Variants in RASSF3 observed in about 807,000 individuals in gnomAD.
RASSF3 encodes ras association domain-containing protein 3.
Under a neutral mutation model 19.9 loss-of-function variants are expected in RASSF3, and 19 were observed. That is an observed-to-expected ratio of 0.96 (90% confidence interval 0.67 to 1.40). The LOEUF is 1.40. Ranked by LOEUF, RASSF3 falls within the 40% of genes most tolerant of loss-of-function variation. RASSF3 has a pLI of 0.00. For missense variants in RASSF3, 306 were observed against 289.8 expected, an observed-to-expected ratio of 1.06 and a Z score of -0.41; for synonymous variants, 110 against 104.2, an observed-to-expected ratio of 1.06 and a Z score of -0.34.
At chr12:64,580,074 T>C (rs1164268704) in intron 2 of RASSF3, among the ~76,000 whole-genome samples, 1 of 151,934 alleles carries the variant, frequency 6.6e-6, no homozygotes, top group African/African-American at 2.4e-5. Context: ...CTTGGCCTCC[T>C]GAAGTGCTGG....
At chr12:64,625,594 T>C (rs886321773) in intron 1 of RASSF3, among the ~76,000 whole-genome samples, 1 of 152,338 alleles carries the variant, frequency 6.6e-6, no homozygotes, top group Admixed American at 6.5e-5. Flanking sequence ...AGTCTTGTGC[T>C]CATGGTTTAG....
chr12:64,640,484 T>C (rs1375723925), intron 1 of RASSF3, among the ~76,000 whole-genome samples: 2 of 152,248 alleles, frequency 1.3e-5, no homozygotes, highest in Non-Finnish European at 1.5e-5. Context: ...CCCTGGCAAC[T>C]ACCTTTCTAT....
intron 1 of RASSF3, among the ~76,000 whole-genome samples, chr12:64,625,831 T>C (rs1211739716): frequency 1.3e-5 from 2 of 152,148 alleles, no homozygotes; most frequent in Non-Finnish European, 2.9e-5. Flanking sequence ...GAAATAGGCC[T>C]GCTTATGCTC....
upstream of RASSF3, among the ~76,000 whole-genome samples, chr12:64,530,586 G>A (rs1318618518): frequency 1.3e-5 from 2 of 152,178 alleles, no homozygotes; most frequent in Non-Finnish European, 2.9e-5. Flanking sequence ...GGTTAAATAT[G>A]TAGGAGTAGA....
intron 1 of RASSF3, among the ~76,000 whole-genome samples, chr12:64,616,245 T>C (rs1384437137): frequency 1.3e-5 from 2 of 152,210 alleles, no homozygotes; most frequent in Admixed American, 6.5e-5. Flanking sequence ...CCATTTCTTC[T>C]TCTGGCCAAC....
chr12:64,573,395 T>A (rs1390828077), intron 2 of RASSF3, among the ~76,000 whole-genome samples: 1 of 152,226 alleles, frequency 6.6e-6, no homozygotes, highest in Non-Finnish European at 1.5e-5. Flanking sequence ...ATTAAGTGCT[T>A]ACTAATACAT....
intron 2 of RASSF3, among the ~76,000 whole-genome samples, chr12:64,584,504 A>G (rs945998488): frequency 1.5e-4 from 4 of 26,352 alleles, no homozygotes; most frequent in East Asian, 3.9e-4. Context: ...CCAGGCTAAG[A>G]AAAAAAAAAA....
At chr12:64,643,172 A>T (rs1335054730) in intron 1 of RASSF3, among the ~76,000 whole-genome samples, 1 of 152,066 alleles carries the variant, frequency 6.6e-6, no homozygotes, top group Non-Finnish European at 1.5e-5. Context: ...GGCCCGGGCA[A>T]GTTTCTTAAT....
chr12:64,595,833 T>A (rs1869991398), intron 2 of RASSF3, among the ~76,000 whole-genome samples: 1 of 152,112 alleles, frequency 6.6e-6, no homozygotes, highest in Non-Finnish European at 1.5e-5. Flanking sequence ...TTTCTCTCAA[T>A]CCCATTCTCC....
At chr12:64,572,713 G>A (rs1022267484) in intron 2 of RASSF3, among the ~76,000 whole-genome samples, 14 of 152,076 alleles carry the variant, frequency 9.2e-5, no homozygotes, top group Non-Finnish European at 1.5e-4. Flanking sequence ...ATCACAGAAA[G>A]TAAGTCTAGT....
At chr12:64,636,769 G>A (rs1419390816) in intron 1 of RASSF3, among the ~76,000 whole-genome samples, 1 of 151,774 alleles carries the variant, frequency 6.6e-6, no homozygotes, top group Non-Finnish European at 1.5e-5. Flanking sequence ...GGGAGGGTGA[G>A]GCAGGAGAAT....
At chr12:64,537,638 C>G (rs1373278943) in intron 1 of RASSF3, among the ~76,000 whole-genome samples, 1 of 152,206 alleles carries the variant, frequency 6.6e-6, no homozygotes, top group Non-Finnish European at 1.5e-5. Context: ...GCATCTGAAG[C>G]TTAAACTGCC....
intron 1 of RASSF3, among the ~76,000 whole-genome samples, chr12:64,614,229 G>A (rs1298608717): frequency 6.0e-5 from 9 of 150,374 alleles, no homozygotes; most frequent in South Asian, 2.1e-4. Context: ...CGTCTCCCGC[G>A]TGCAAACGAT....
chr12:64,529,582 A>G (rs938817772), upstream of RASSF3, among the ~76,000 whole-genome samples: 10 of 152,190 alleles, frequency 6.6e-5, no homozygotes, highest in African/African-American at 1.4e-4. Context: ...TGCCGTCAAG[A>G]GGAAAGGAGA....
chr12:64,576,148 T>G (rs1869592430), intron 2 of RASSF3, among the ~76,000 whole-genome samples: 3 of 152,118 alleles, frequency 2.0e-5, no homozygotes, highest in Admixed American at 2.0e-4. Context: ...AGGATTTTTT[T>G]CACAGAAAAA....
chr12:64,563,525 C>G (rs975325681), intron 2 of RASSF3, among the ~76,000 whole-genome samples: 1 of 152,098 alleles, frequency 6.6e-6, no homozygotes, highest in Non-Finnish European at 1.5e-5. Context: ...TCCCTACTTC[C>G]CTAAAGTAAA....
chr12:64,626,954 T>C lies in RASSF3; in HGVS notation c.111+16211T>C, dbSNP rs149466032. Among the ~76,000 whole-genome samples the C allele has an allele frequency of 4.4e-4, 67 of 152,362 alleles. No homozygotes were observed. In the East Asian group the frequency reaches 7.5e-3, roughly 17 times the overall value. On this transcript the variant is annotated intron_variant, in intron 1 of 4. Coordinates refer to ENST00000542104, the MANE Select transcript of RASSF3 (RefSeq NM_178169.4). ...TTGGGGATCCAGAATTGGGAGACTA[T>C]TTTAATTTTGGATCTGTTATTTACT...
rs908580262 is a variant in RASSF3, at chr12:64,581,786, G to A, written c.294+40081G>A. 6.6e-5 allele frequency among the ~76,000 whole-genome samples: 7 copies of A among 105,784 alleles called. 1 individual carries two copies. The highest frequency in any genetic ancestry group is 2.3e-4 in the African/African-American group (6 of 26,548). 69.4% of individuals were successfully genotyped at this position (105,784 alleles called of 152,430 possible). ...ATCTGAAAACCTTTCAAAAGAGATT[G>A]ACCTTTTTTTTTTGTTTTTCTTTTT... On this transcript the variant is annotated intron_variant, in intron 2 of 5. Transcript: ENST00000637125.
At chr12:64,634,574 A>T (rs758567360) in intron 1 of RASSF3, among the ~76,000 whole-genome samples, 1 of 151,962 alleles carries the variant, frequency 6.6e-6, no homozygotes, top group South Asian at 2.1e-4. Context: ...CTTCACCATA[A>T]ATTTGATGTT....
Sources: allele counts gnomAD v4.1 joint callset (sites outside exome capture counted in the v4.1 genomes callset), GRCh38; gene constraint gnomAD v4.1.1; transcripts MANE v1.5; gene names NCBI Gene and HGNC (gene_info 2026-07-23, HGNC 2026-07-21).